RIC1: variants seen among roughly 807,000 people sequenced by gnomAD.
RIC1 encodes guanine nucleotide exchange factor subunit RIC1.
In RIC1, 88 loss-of-function variants were observed where a neutral mutation model predicts 169.0. The ratio of observed to expected loss-of-function variants is 0.52; its 90% CI spans 0.44 to 0.62. The LOEUF is 0.62. RIC1 is among the 20% of genes least tolerant of loss of function. The pLI is 0.00. For missense variants in RIC1, 1,877 were observed against 1,725.5 expected, an observed-to-expected ratio of 1.09 and a Z score of -1.56; for synonymous variants, 790 against 601.5, an observed-to-expected ratio of 1.31 and a Z score of -4.59.
rs146890915 is a variant in RIC1, at chr9:5,659,852, T to G, written c.252+3162T>G. Among the ~76,000 whole-genome samples, 862 of 152,328 alleles carry G rather than the reference T, an allele frequency of 5.7e-3. 5 individuals carry two copies. The highest frequency in any genetic ancestry group is 8.7e-3 in the Non-Finnish European group (594 of 68,018). On this transcript the variant is annotated intron_variant, in intron 2 of 25. Coordinates refer to ENST00000414202, the MANE Select transcript of RIC1 (RefSeq NM_020829.4). ...AGACATATATCTGATTTTTTCCAAC[T>G]TAACTTCAGGGTACATGTGTAGGAT... is the stretch of plus-strand genomic sequence containing the variant.
rs535882083 is a variant in RIC1 at position 5,679,729 on chromosome 9, G to C, written c.253-10230G>C. Among the ~76,000 whole-genome samples, 47 of 152,332 alleles carry C rather than the reference G, an allele frequency of 3.1e-4. No individual in the cohort carries two copies. The East Asian group carries it at 8.1e-3, about 26-fold the overall frequency. On this transcript the variant is annotated intron_variant, in intron 2 of 25. Transcript: ENST00000414202. ...TTGCTGAAGTTGCTTATCAGCTTAA[G>C]GAGATTTTGGGCTGATACGATGGGG...
chr9:5,663,256 C>G (rs1819560380), intron 2 of RIC1, among the ~76,000 whole-genome samples: 1 of 152,130 alleles, frequency 6.6e-6, no homozygotes, highest in African/African-American at 2.4e-5. Context: ...ATTATGTGAT[C>G]AAATTTAGAG....
intron 3 of RIC1, among the ~76,000 whole-genome samples, chr9:5,709,711 C>G (rs1013867815): frequency 2.6e-5 from 4 of 152,076 alleles, no homozygotes; most frequent in Non-Finnish European, 5.9e-5. Context: ...TAGTTGAATT[C>G]TAAGTAATAA....
At chr9:5,652,630 T>A (rs1818866763) in intron 1 of RIC1, among the ~76,000 whole-genome samples, 1 of 152,198 alleles carries the variant, frequency 6.6e-6, no homozygotes, top group Non-Finnish European at 1.5e-5. Flanking sequence ...TATGTAAGAT[T>A]GTGTTACCTG....
Position 5,774,454 on chromosome 9 carries a change from T to A in RIC1, c.*208T>A, listed in dbSNP as rs918000889. ...TAAAGCATCTTTCATAAAAAAATTT[T>A]AAGCTGCAGTGAAAAGTAAATATTG... On this transcript the variant is annotated 3_prime_UTR_variant, in exon 26 of 26. Coordinates refer to ENST00000414202, the MANE Select transcript of RIC1 (RefSeq NM_020829.4). The A allele has an allele frequency of 1.1e-4, 50 of 449,720 alleles. No homozygotes were observed. Among genetic ancestry groups the A allele is most frequent in the Non-Finnish European group, 1.8e-4 (46 of 260,282 alleles). The allele number at this position is 449,720 out of a possible 1,614,324, so 27.9% of individuals were successfully genotyped here.
At chr9:5,697,351 T>C (rs779131942) in intron 3 of RIC1, among the ~76,000 whole-genome samples, 1 of 152,212 alleles carries the variant, frequency 6.6e-6, no homozygotes, top group East Asian at 1.9e-4. Context: ...CCTCATGATA[T>C]CAGTCCTGTG....
At chr9:5,729,498 G>A (rs1824224389) in intron 6 of RIC1, among the ~76,000 whole-genome samples, 1 of 152,088 alleles carries the variant, frequency 6.6e-6, no homozygotes, top group African/African-American at 2.4e-5. Context: ...TCATTGATAT[G>A]CTTTCCAGCT....
intron 2 of RIC1, among the ~76,000 whole-genome samples, chr9:5,669,997 C>T (rs1352380960): frequency 2.0e-5 from 3 of 152,178 alleles, no homozygotes; most frequent in African/African-American, 7.2e-5. Flanking sequence ...GAAGAAGGTT[C>T]AGGAGCCTGA....
intron 3 of RIC1, among the ~76,000 whole-genome samples, chr9:5,690,265 A>G (rs1204829776): frequency 6.6e-6 from 1 of 152,136 alleles, no homozygotes; most frequent in East Asian, 1.9e-4. Context: ...TTTCTTGGGT[A>G]TTCAGAATGA....
At chr9:5,693,360 G>C (rs1354887982) in intron 3 of RIC1, among the ~76,000 whole-genome samples, 1 of 152,134 alleles carries the variant, frequency 6.6e-6, no homozygotes, top group Non-Finnish European at 1.5e-5. Context: ...ACACAGTTCA[G>C]ATGCCTCATG....
chr9:5,682,095 G>A (rs1241965230), intron 2 of RIC1, among the ~76,000 whole-genome samples: 1 of 152,154 alleles, frequency 6.6e-6, no homozygotes, highest in Admixed American at 6.5e-5. Context: ...ACACTGATGG[G>A]TCTTGAGTCT....
intron 3 of RIC1, among the ~76,000 whole-genome samples, chr9:5,704,085 A>G (rs1822407505): frequency 6.6e-6 from 1 of 151,908 alleles, no homozygotes; most frequent in African/African-American, 2.4e-5. Context: ...TGAATGTGAA[A>G]TAGTATCTCA....
intron 2 of RIC1, among the ~76,000 whole-genome samples, chr9:5,676,731 A>T (rs1283934499): frequency 2.6e-5 from 4 of 152,244 alleles, no homozygotes; most frequent in Admixed American, 6.5e-5. Flanking sequence ...TCTCAAAACC[A>T]ACGACTGATC....
At chr9:5,695,729 C>G (rs977540117) in intron 3 of RIC1, among the ~76,000 whole-genome samples, 2 of 151,988 alleles carry the variant, frequency 1.3e-5, no homozygotes, top group Non-Finnish European at 2.9e-5. Context: ...CACCACCACA[C>G]CTAGCTAATT....
At chr9:5,691,317 G>T (rs1291150038) in intron 3 of RIC1, among the ~76,000 whole-genome samples, 1 of 151,904 alleles carries the variant, frequency 6.6e-6, no homozygotes, top group Non-Finnish European at 1.5e-5. Context: ...TATAGTAATT[G>T]TTCCTGAATG....
intron 14 of RIC1, among the ~76,000 whole-genome samples, chr9:5,754,412 A>AGG (rs1292465380): frequency 6.6e-6 from 1 of 152,020 alleles, no homozygotes; most frequent in African/African-American, 2.4e-5. Flanking sequence ...CATTGGAGAG[A>AGG]GGGGGAGTAA....
At chr9:5,737,078 G>C (rs1040839909) in intron 7 of RIC1, among the ~76,000 whole-genome samples, 1 of 151,806 alleles carries the variant, frequency 6.6e-6, no homozygotes, top group Admixed American at 6.6e-5. Flanking sequence ...AAGAACATTT[G>C]TTTCTCTTTC....
At chr9:5,680,759 C>T (rs1041991505) in intron 2 of RIC1, among the ~76,000 whole-genome samples, 2 of 149,716 alleles carry the variant, frequency 1.3e-5, no homozygotes, top group African/African-American at 2.5e-5. Flanking sequence ...ATTAGTCTTG[C>T]TAGCGGTCTA....
rs575433022 is a variant in RIC1 at position 5,674,706 on chromosome 9, C to A, written c.253-15253C>A. ...AGACGAATACATAATTGACTATTCC[C>A]CTACCTGCTCTTTTCTCTTGGAACT... On this transcript the variant is annotated intron_variant, in intron 2 of 25. Transcript: ENST00000414202. Among the ~76,000 whole-genome samples, 16 of 152,282 alleles carry A rather than the reference C, an allele frequency of 1.1e-4. No individual in the cohort carries two copies. In the East Asian group the frequency reaches 3.1e-3, roughly 29 times the overall value.
Sources: allele counts gnomAD v4.1 joint callset (sites outside exome capture counted in the v4.1 genomes callset), GRCh38; gene constraint gnomAD v4.1.1; transcripts MANE v1.5; gene names NCBI Gene and HGNC (gene_info 2026-07-23, HGNC 2026-07-21).